GRAMD2A: variants seen among roughly 807,000 people sequenced by gnomAD.
GRAMD2A encodes the protein GRAM domain containing 2A.
In GRAMD2A, 37 loss-of-function variants were observed where a neutral mutation model predicts 51.1. That is an observed-to-expected ratio of 0.72 (90% CI 0.56 to 0.95). The LOEUF (loss-of-function observed/expected upper bound fraction) is 0.95, where lower values mean the gene tolerates loss of function less well. Among genes scored for constraint, GRAMD2A ranks in the 40% least tolerant of loss-of-function variants. The pLI is 0.00. For missense variants in GRAMD2A, 414 were observed against 426.9 expected (o/e 0.97, Z 0.27); for synonymous variants, 136 against 157.1 (o/e 0.87, Z 1.01).
rs373513643 is a variant in GRAMD2A, at chr15:72,166,710, C to G, written c.472-7G>C. 9.0e-5 allele frequency: 145 copies of G among 1,611,608 alleles called. 1 individual carries two copies. The African/African-American group carries it at 1.7e-3, about 19-fold the overall frequency. On this transcript the variant is annotated splice_region_variant and splice_polypyrimidine_tract_variant and intron_variant, in intron 6 of 11. Coordinates refer to ENST00000309731, the MANE Select transcript of GRAMD2A (RefSeq NM_001012642.3). The surrounding 1 kb of genome is among the most constrained non-coding windows in gnomAD (Gnocchi z 4.1). ...GCAGTGACACAAAGATATACTGGGA[C>G]ATGGAAAGAAAACAGACAGGGGTAG... is the stretch of plus-strand genomic sequence containing the variant.
At chr15:72,167,195 G>A (rs1461874199) in intron 5 of GRAMD2A, 103 bp from the exon 6 acceptor site, 2 of 832,076 alleles carry the variant, frequency 2.4e-6, no homozygotes, top group African/African-American at 1.7e-5. Flanking sequence ...GGCCACCATG[G>A]GGAAGCCTGG....
At position 72,163,334 on chromosome 15, in the gene GRAMD2A, C is replaced by T. The variant is rs374847230; in HGVS notation, c.888G>A (p.Glu296=). ...GCTCCCCAGTGCTCCTGGGCTCCTC[C>T]TCCAGCTCATCCTCCTCATAGACAG... ...KNAVYEEDEL[E]EEPRSTGELR... Residue 296 remains glutamate, a synonymous_variant, in exon 10 of 12, where the codon GAG becomes GAA. Coordinates refer to ENST00000309731, the MANE Select transcript of GRAMD2A (RefSeq NM_001012642.3). 1 of 1,614,078 alleles carries T rather than the reference C, an allele frequency of 6.2e-7. No homozygotes were observed. The highest frequency in any genetic ancestry group is 2.2e-5 in the East Asian group (1 of 44,896).
At chr15:72,192,446 G>C (rs1028254853) in intron 1 of GRAMD2A, among the ~76,000 whole-genome samples, 14 of 152,212 alleles carry the variant, frequency 9.2e-5, no homozygotes, top group Non-Finnish European at 1.9e-4. Context: ...TGTGTGGCCT[G>C]AGTGATTACT....
intron 2 of GRAMD2A, 165 bp from the exon 3 acceptor site, chr15:72,169,161 A>C: frequency 3.0e-6 from 2 of 663,896 alleles, no homozygotes; most frequent in Non-Finnish European, 5.4e-6. Context: ...GCGAGCACAC[A>C]GCTAAACTAT....
chr15:72,192,830 G>T (rs1050284122), intron 1 of GRAMD2A, among the ~76,000 whole-genome samples: 1 of 152,182 alleles, frequency 6.6e-6, no homozygotes, highest in African/African-American at 2.4e-5. Context: ...AGGCTTTAAA[G>T]ATTGGTTCAG....
rs968398551 is a variant in GRAMD2A, at chr15:72,163,466, TCTTGA to T, written c.751_755del (p.Arg252ProfsTer23). ...CACCATTTTCTGAAGCTACTTGGGC[TCTTGA>T]CTTTTCTTTATGGATTGGGAGAAAA... is the stretch of plus-strand genomic sequence containing the variant. On this transcript the variant is annotated frameshift_variant, in exon 10 of 12. Transcript: ENST00000309731. LOFTEE classifies it high-confidence loss of function. 6.2e-7 allele frequency: 1 copy of T among 1,613,644 alleles called. No homozygotes were observed. Among genetic ancestry groups the T allele is most frequent in the Non-Finnish European group, 8.5e-7 (1 of 1,179,788 alleles).
chr15:72,193,428 G>A (rs1431963949), intron 1 of GRAMD2A, among the ~76,000 whole-genome samples: 2 of 151,932 alleles, frequency 1.3e-5, no homozygotes, highest in African/African-American at 4.8e-5. Context: ...ATGTTGGCCA[G>A]GCTGGCCTCA....
rs558781327 is a variant in GRAMD2A at position 72,167,604 on chromosome 15, G to T, written c.372+132C>A. Reference sequence around the variant, plus strand: ...ACTGGATGGGATGCCTCGAAGCTGCGCATCCAACCAGCAAGGGGCTTCACC... The same window carrying T: ...ACTGGATGGGATGCCTCGAAGCTGCTCATCCAACCAGCAAGGGGCTTCACC... On this transcript the variant is annotated intron_variant, in intron 5 of 11. Transcript: ENST00000309731. 35 of 727,116 alleles carry T rather than the reference G, an allele frequency of 4.8e-5. No individual in the cohort carries two copies. In the East Asian group the frequency reaches 8.2e-4, roughly 17 times the overall value. The allele number at this position is 727,116 out of a possible 1,614,324, so 45.0% of individuals were successfully genotyped here. A position where few individuals can be genotyped will look rare whatever the true frequency, so the allele number is the denominator to read the frequency against.
Position 72,163,299 on chromosome 15 carries a change from C to A in GRAMD2A, c.923G>T (p.Trp308Leu). Residue 308 changes from tryptophan to leucine, a missense_variant, in exon 10 of 12, where the codon TGG becomes TTG. Coordinates refer to ENST00000309731, the MANE Select transcript of GRAMD2A (RefSeq NM_001012642.3). Reference sequence around the variant, plus strand: ...GAAGACCTTGAGGAGCCGGTAATCCCAGAGCCTCAGCTCCCCAGTGCTCCT... The same window carrying A: ...GAAGACCTTGAGGAGCCGGTAATCCAAGAGCCTCAGCTCCCCAGTGCTCCT... ...EPRSTGELRL[W>L]DYRLLKVFFV... 6.2e-7 allele frequency: 1 copy of A among 1,614,122 alleles called. No homozygotes were observed. The highest frequency in any genetic ancestry group is 8.5e-7 in the Non-Finnish European group (1 of 1,179,966).
intron 2 of GRAMD2A, 113 bp downstream of exon 2, chr15:72,169,734 A>C: frequency 1.2e-6 from 1 of 803,966 alleles, no homozygotes; most frequent in Non-Finnish European, 2.2e-6. Context: ...GACCTCACAG[A>C]CCTGCAAAGG....
At chr15:72,192,537 A>T (rs997337072) in intron 1 of GRAMD2A, among the ~76,000 whole-genome samples, 1 of 152,194 alleles carries the variant, frequency 6.6e-6, no homozygotes, top group Non-Finnish European at 1.5e-5. Context: ...GAGAAAAAAA[A>T]TCCTAATAAT....
intron 4 of GRAMD2A, among the ~76,000 whole-genome samples, 171 bp from the exon 5 acceptor site, chr15:72,168,010 G>A (rs1367410527): frequency 1.3e-5 from 2 of 151,896 alleles, no homozygotes; most frequent in East Asian, 1.9e-4. Flanking sequence ...CCCCAGCGTC[G>A]AAGGGTCCTT....
chr15:72,169,020 G>A lies in GRAMD2A; in HGVS notation c.135-24C>T, dbSNP rs368379322. The A allele has an allele frequency of 3.7e-5, 59 of 1,611,442 alleles. No individual in the cohort carries two copies. The African/African-American group carries it at 4.5e-4, about 12-fold the overall frequency. On this transcript the variant is annotated intron_variant, in intron 2 of 11. Coordinates refer to ENST00000309731, the MANE Select transcript of GRAMD2A (RefSeq NM_001012642.3). ...GACTGCAAAGGAGACATTCCATTTC[G>A]GGAACAAGGAACCCCAGTCCTGCCC... is the stretch of plus-strand genomic sequence containing the variant.
At position 72,162,306 on chromosome 15, in the gene GRAMD2A, G is replaced by A. The variant is rs138432181; in HGVS notation, c.1028C>T (p.Ser343Phe). Residue 343 changes from serine (S) to phenylalanine (F), a missense_variant, in exon 11 of 12, where the codon TCC becomes TTC. Transcript: ENST00000309731. The part of the protein sequence containing the change: ...RISRLEQQLC[S>F]LSWDDPVPGH... ...AGGGACTGGGTCATCCCAACTCAAG[G>A]AGCATAACTGCTGCTCTAGCCGAGA... is the stretch of plus-strand genomic sequence containing the variant. The A allele has an allele frequency of 2.2e-5, 35 of 1,614,000 alleles. No individual in the cohort carries two copies. In the Admixed American group the frequency reaches 2.7e-4, roughly 12 times the overall value.
intron 1 of GRAMD2A, among the ~76,000 whole-genome samples, chr15:72,194,058 G>A (rs1416214237): frequency 6.6e-6 from 1 of 152,154 alleles, no homozygotes; most frequent in African/African-American, 2.4e-5. Context: ...AAATAACTGG[G>A]GAATTAAAGC....
intron 8 of GRAMD2A, among the ~76,000 whole-genome samples, chr15:72,164,853 T>C (rs1272963594): frequency 1.3e-5 from 2 of 152,166 alleles, no homozygotes; most frequent in Admixed American, 6.5e-5. Flanking sequence ...AAAGTCAGCC[T>C]ATCGGCTGGG....
Position 72,163,647 on chromosome 15 carries a change from G to A in GRAMD2A, c.711C>T (p.Asp237=). The A allele has an allele frequency of 6.3e-7, 1 of 1,598,998 alleles. No individual in the cohort carries two copies. Among genetic ancestry groups the A allele is most frequent in the East Asian group, 2.2e-5 (1 of 44,844 alleles). Residue 237 remains aspartate (D), a synonymous_variant, in exon 9 of 12, where the codon GAC becomes GAT. Transcript: ENST00000309731. ...GAGGCTTCCTGGAGGGGAAGAAACT[G>A]TCTGTGGAGTCCACGGATGATGGAG... The part of the protein sequence containing the change: ...CIPPSSVDST[D]SFFPSRKPPM...
chr15:72,184,751 C>T (rs1462443449), intron 1 of GRAMD2A, among the ~76,000 whole-genome samples: 1 of 152,230 alleles, frequency 6.6e-6, no homozygotes, highest in East Asian at 1.9e-4. Context: ...TGCCTGCTCT[C>T]GCCACTGTTA....
intron 5 of GRAMD2A, 86 bp downstream of exon 5, chr15:72,167,650 G>T: frequency 9.8e-7 from 1 of 1,023,814 alleles, no homozygotes; most frequent in Non-Finnish European, 1.5e-6. Context: ...CACGCAGAGA[G>T]ATAGGCATGA....
Sources: gnomAD v4.1 joint callset for allele counts (sites outside exome capture counted in the v4.1 genomes callset) on GRCh38, gnomAD v4.1.1 for gene constraint, Gnocchi (gnomAD v3.1) non-coding constraint, MANE v1.5 for transcripts, NCBI Gene and HGNC (gene_info 2026-07-23, HGNC 2026-07-21) for gene names.